The following RAB37 variants were observed in gnomAD, a reference collection of about 807,000 sequenced individuals.
RAB37 encodes the protein ras-related protein Rab-37.
A neutral mutation model predicts 33.1 loss-of-function variants in RAB37; 29 were observed. That is an observed-to-expected ratio of 0.88 (90% CI 0.65 to 1.20). The LOEUF is 1.20. Among genes scored for constraint, RAB37 ranks in the 50% most tolerant of loss-of-function variants. The pLI is 0.00. For synonymous variants in RAB37, 128 were observed against 119.5 expected (o/e 1.07, Z -0.47); for missense variants, 299 against 301.1 (o/e 0.99, Z 0.05).
intron 1 of RAB37, 59 bp downstream of exon 1, chr17:74,737,424 G>A: frequency 6.7e-7 from 1 of 1,496,778 alleles, no homozygotes; most frequent in Non-Finnish European, 8.9e-7. Flanking sequence ...CTTCCTGGCT[G>A]CGTCTGGGTT....
At chr17:74,716,416 ATTC>A (rs1168865453) in intron 1 of RAB37, among the ~76,000 whole-genome samples, 1 of 152,142 alleles carries the variant, frequency 6.6e-6, no homozygotes, top group Non-Finnish European at 1.5e-5. Flanking sequence ...ATAAATCATA[ATTC>A]TTCTCAGAAA....
At chr17:74,687,214 TTTTA>T (rs530119456) in intron 1 of RAB37, among the ~76,000 whole-genome samples, 12 of 151,388 alleles carry the variant, frequency 7.9e-5, no homozygotes, top group Admixed American at 2.0e-4. Flanking sequence ...TTTATTTTAT[TTTTA>T]TTTATTTATT....
At chr17:74,716,787 G>C (rs906348680) in intron 1 of RAB37, among the ~76,000 whole-genome samples, 1 of 152,152 alleles carries the variant, frequency 6.6e-6, no homozygotes, top group African/African-American at 2.4e-5. Flanking sequence ...TGATAAAGCA[G>C]AGAATCCCGG....
Position 74,730,951 on chromosome 17 carries a change from C to T in RAB37, c.183+1585C>T, listed in dbSNP as rs979106427. On this transcript the variant is annotated intron_variant, in intron 2 of 7. Transcript: ENST00000340415. This position sits in a 1 kb window ranked among gnomAD's most constrained non-coding sequence, Gnocchi z 4.4. ...TGTTTGTCTAGCCTGAGATGAGACA[C>T]ACTGGGCTTTCCCACTGACCTCAGG... Among the ~76,000 whole-genome samples, 5 of 152,250 alleles carry T rather than the reference C, an allele frequency of 3.3e-5. No individual in the cohort carries two copies. The highest frequency in any genetic ancestry group is 1.2e-4 in the African/African-American group (5 of 41,472).
chr17:74,695,313 G>A lies in RAB37; in HGVS notation c.72+23655G>A, dbSNP rs947078162. 5 of 1,589,586 alleles carry A rather than the reference G, an allele frequency of 3.1e-6. No homozygotes were observed. The South Asian group carries it at 3.4e-5, about 11-fold the overall frequency. On this transcript the variant is annotated intron_variant, in intron 1 of 7. Transcript: ENST00000340415. ...CAGGAAGTGACGGTCACGGGGCAGA[G>A]GAGCCCTCGGAGGAGGATAGTGGGG...
intron 1 of RAB37, among the ~76,000 whole-genome samples, chr17:74,715,371 G>A (rs540408568): frequency 9.9e-5 from 15 of 152,276 alleles, no homozygotes; most frequent in African/African-American, 3.4e-4. Context: ...ATGGCTTCTC[G>A]CTTTACATAT....
chr17:74,722,431 TC>T (rs2034255280), intron 1 of RAB37, among the ~76,000 whole-genome samples: 1 of 152,240 alleles, frequency 6.6e-6, no homozygotes, highest in South Asian at 2.1e-4. Flanking sequence ...AGGCAGAATT[TC>T]TGCTTCCTCA....
chr17:74,700,217 C>T (rs1440578058), intron 1 of RAB37, among the ~76,000 whole-genome samples: 2 of 151,858 alleles, frequency 1.3e-5, no homozygotes, highest in South Asian at 2.1e-4. Flanking sequence ...AAATAAATCC[C>T]GTAACAGCCC....
intron 1 of RAB37, among the ~76,000 whole-genome samples, chr17:74,721,323 A>G (rs1004590469): frequency 2.0e-5 from 3 of 152,214 alleles, no homozygotes; most frequent in African/African-American, 7.2e-5. Context: ...CTGTTTTCAC[A>G]GTACTGCATT....
intron 1 of RAB37, chr17:74,695,990 C>T: frequency 7.7e-7 from 1 of 1,291,528 alleles, no homozygotes; most frequent in Non-Finnish European, 1.1e-6. Flanking sequence ...TCCGTGTCCT[C>T]CACTTCTCAG....
At chr17:74,717,191 T>C (rs2034176278) in intron 1 of RAB37, among the ~76,000 whole-genome samples, 3 of 152,148 alleles carry the variant, frequency 2.0e-5, no homozygotes, top group Admixed American at 2.0e-4. Flanking sequence ...TGTTTTATCA[T>C]GCACTGAAAA....
At chr17:74,680,452 CAGG>C (rs2031930107) in intron 1 of RAB37, among the ~76,000 whole-genome samples, 1 of 152,122 alleles carries the variant, frequency 6.6e-6, no homozygotes, top group South Asian at 2.1e-4. Flanking sequence ...ACATTATAAT[CAGG>C]AGATTTTTTT....
At chr17:74,709,771 C>G (rs2033814224) in intron 1 of RAB37, among the ~76,000 whole-genome samples, 2 of 151,900 alleles carry the variant, frequency 1.3e-5, no homozygotes, top group Admixed American at 1.3e-4. Flanking sequence ...CAAGGTCTCA[C>G]TTTGTTGCCC....
chr17:74,708,855 G>A lies in RAB37; in HGVS notation c.73-20401G>A, dbSNP rs961951544. Among the ~76,000 whole-genome samples the A allele has an allele frequency of 2.0e-5, 3 of 151,218 alleles. No individual in the cohort carries two copies. In the Admixed American group the frequency reaches 2.0e-4, roughly 10 times the overall value. ...ACGTGAACCCGGGGGGGCGGAGCTT[G>A]CAGTGAGCCGAGATCGCGCCACTGC... On this transcript the variant is annotated intron_variant, in intron 1 of 7. Transcript: ENST00000340415.
intron 1 of RAB37, among the ~76,000 whole-genome samples, chr17:74,686,088 T>C (rs1158685752): frequency 6.6e-6 from 1 of 152,044 alleles, no homozygotes; most frequent in African/African-American, 2.4e-5. Flanking sequence ...TGCCCTCATA[T>C]CTTGTTATAT....
intron 1 of RAB37, among the ~76,000 whole-genome samples, chr17:74,723,873 C>T (rs555091029): frequency 1.3e-5 from 2 of 151,978 alleles, no homozygotes; most frequent in Non-Finnish European, 2.9e-5. Context: ...CGCACCCGGC[C>T]GTAACATTTT....
rs776829115 is a variant in RAB37, at chr17:74,745,189, G to T, written c.566+105G>T. On this transcript the variant is annotated intron_variant, in intron 8 of 8. Transcript: ENST00000392613. This position sits in a 1 kb window ranked among gnomAD's most constrained non-coding sequence, Gnocchi z 4.5. ...CAGCCCCTGGACACACCTGCATTCT[G>T]CAGGCTGAGGTCCATTTGCTCTGGG... is the stretch of plus-strand genomic sequence containing the variant. 1.3e-5 allele frequency: 20 copies of T among 1,534,358 alleles called. No individual in the cohort carries two copies. Among genetic ancestry groups the T allele is most frequent in the Non-Finnish European group, 1.6e-5 (18 of 1,110,120 alleles).
At chr17:74,691,799 A>C (rs2032161077) in intron 1 of RAB37, among the ~76,000 whole-genome samples, 2 of 152,124 alleles carry the variant, frequency 1.3e-5, no homozygotes, top group Admixed American at 1.3e-4. Context: ...CTCTGAAATA[A>C]ATCCACTTTA....
intron 1 of RAB37, among the ~76,000 whole-genome samples, chr17:74,709,217 ACT>A (rs1334306535): frequency 6.6e-6 from 1 of 151,712 alleles, no homozygotes; most frequent in Admixed American, 6.6e-5. Flanking sequence ...AGCAAGACTG[ACT>A]CAAAAAAAAA....
Sources: allele counts gnomAD v4.1 joint callset (sites outside exome capture counted in the v4.1 genomes callset), GRCh38; gene constraint gnomAD v4.1.1; non-coding constraint Gnocchi (gnomAD v3.1); transcripts MANE v1.5; gene names NCBI Gene and HGNC (gene_info 2026-07-23, HGNC 2026-07-21).